Variants in ETV6 observed in about 807,000 individuals in gnomAD.
ETV6 encodes ETS variant transcription factor 6.
In ETV6, 16 loss-of-function variants were observed where a neutral mutation model predicts 51.1. The observed-to-expected ratio is 0.31, with a 90% CI of 0.21 to 0.48. The LOEUF is 0.48. Among genes scored for constraint, ETV6 ranks in the 20% least tolerant of loss-of-function variants. ETV6 has a pLI of 0.99. For synonymous variants in ETV6, 240 were observed against 224.1 expected, an observed-to-expected ratio of 1.07 and a Z score of -0.64; for missense variants, 458 against 594.8, an observed-to-expected ratio of 0.77 and a Z score of 2.39.
At position 11,653,363 on chromosome 12, in the gene ETV6, C is replaced by A. The variant is rs573003630; in HGVS notation, c.33+3203C>A. 2.0e-5 allele frequency among the ~76,000 whole-genome samples: 3 copies of A among 152,278 alleles called. No homozygotes were observed. The East Asian group carries it at 5.8e-4, about 29-fold the overall frequency. ...AGGCTTGGCACAGCTTGTTAGTGGG[C>A]CAGGACTAACCAGAATCCAAAAACG... is the stretch of plus-strand genomic sequence containing the variant. On this transcript the variant is annotated intron_variant, in intron 1 of 7. Transcript: ENST00000396373.
intron 2 of ETV6, among the ~76,000 whole-genome samples, chr12:11,813,047 C>T (rs1006350588): frequency 1.3e-5 from 2 of 152,158 alleles, no homozygotes; most frequent in African/African-American, 2.4e-5. Flanking sequence ...TTCAGTTCGC[C>T]GGGATGTCTA....
chr12:11,812,302 A>G (rs1023159238), intron 2 of ETV6, among the ~76,000 whole-genome samples: 1 of 152,142 alleles, frequency 6.6e-6, no homozygotes, highest in Non-Finnish European at 1.5e-5. Context: ...TCCTTGCAGT[A>G]TTTTGGCTGT....
chr12:11,705,258 G>T (rs956285777), intron 1 of ETV6, among the ~76,000 whole-genome samples: 4 of 152,184 alleles, frequency 2.6e-5, no homozygotes, highest in Non-Finnish European at 5.9e-5. Flanking sequence ...TGCTAGCTCC[G>T]GGAAACAATT....
chr12:11,709,832 G>A (rs906012817), intron 1 of ETV6, among the ~76,000 whole-genome samples: 1 of 152,184 alleles, frequency 6.6e-6, no homozygotes, highest in Admixed American at 6.5e-5. Context: ...TCTTCTCTGG[G>A]TCTCCAGCCT....
chr12:11,653,132 G>A (rs1175354117), intron 1 of ETV6, among the ~76,000 whole-genome samples: 1 of 152,130 alleles, frequency 6.6e-6, no homozygotes. Flanking sequence ...ATTTGGGGTC[G>A]TTTAAATGGA....
intron 1 of ETV6, among the ~76,000 whole-genome samples, chr12:11,652,841 T>C (rs1863931610): frequency 1.3e-5 from 2 of 152,218 alleles, no homozygotes; most frequent in East Asian, 1.9e-4. Context: ...CATGTGGTGG[T>C]CGCTCGCAAT....
intron 1 of ETV6, among the ~76,000 whole-genome samples, chr12:11,722,060 T>C (rs1336283605): frequency 6.6e-6 from 1 of 152,250 alleles, no homozygotes; most frequent in Non-Finnish European, 1.5e-5. Flanking sequence ...TGCTCACTTG[T>C]AGACTGGGCT....
chr12:11,749,732 G>A (rs941444039), intron 1 of ETV6, among the ~76,000 whole-genome samples: 3 of 152,180 alleles, frequency 2.0e-5, no homozygotes, highest in Non-Finnish European at 4.4e-5. Context: ...TCCCAAGAGT[G>A]TGTTTTGTTC....
Position 11,650,144 on chromosome 12 carries a change from C to A in ETV6, c.17C>A (p.Ala6Asp), listed in dbSNP as rs1863862591. 6.2e-7 allele frequency: 1 copy of A among 1,613,730 alleles called. No homozygotes were observed. Among genetic ancestry groups the A allele is most frequent in the Admixed American group, 1.7e-5 (1 of 60,014 alleles). MSETP[A>D]QCSIKQERIS... ...CTGTGAGACATGTCTGAGACTCCTG[C>A]TCAGTGTAGCATTAAGGTAAAAATC... The change falls in exon 1 of 8, where the codon GCT (alanine) becomes GAT (aspartate). Residue 6 changes from alanine (A) to aspartate (D), a missense_variant. Around this residue, in one of 4 missense-constraint regions of ETV6, gnomAD observed 84 missense variants for 75.9 expected, o/e 1.11. Transcript: ENST00000396373.
intron 2 of ETV6, among the ~76,000 whole-genome samples, chr12:11,775,830 C>T (rs975816312): frequency 5.9e-5 from 9 of 152,320 alleles, no homozygotes; most frequent in Middle Eastern, 3.4e-3. Flanking sequence ...GCACTGAGCA[C>T]CAAGTTATTA....
At chr12:11,768,778 G>A (rs1205041299) in intron 2 of ETV6, among the ~76,000 whole-genome samples, 6 of 152,094 alleles carry the variant, frequency 3.9e-5, no homozygotes, top group Admixed American at 2.0e-4. Flanking sequence ...GGCCAGCTTG[G>A]CCTGGAACCC....
intron 1 of ETV6, among the ~76,000 whole-genome samples, chr12:11,675,497 A>T (rs1439727525): frequency 2.0e-5 from 3 of 152,176 alleles, no homozygotes; most frequent in African/African-American, 7.2e-5. Flanking sequence ...ATTTACAGCA[A>T]GGCATAGGTT....
At chr12:11,650,289 G>T in intron 1 of ETV6, 129 bp downstream of exon 1, 1 of 799,486 alleles carries the variant, frequency 1.3e-6, no homozygotes. Flanking sequence ...TGGGGCGAGA[G>T]GGAAAGAGAT....
chr12:11,816,542 G>A (rs973017532), intron 2 of ETV6, among the ~76,000 whole-genome samples: 7 of 152,132 alleles, frequency 4.6e-5, no homozygotes, highest in African/African-American at 9.7e-5. Flanking sequence ...CACTGCGCCC[G>A]GCCAGCTTTA....
intron 3 of ETV6, among the ~76,000 whole-genome samples, chr12:11,841,842 G>C (rs1050841417): frequency 6.6e-6 from 1 of 152,092 alleles, no homozygotes; most frequent in Admixed American, 6.5e-5. Context: ...CAGCACTTTG[G>C]GAGGCCGAGG....
At chr12:11,857,766 C>T (rs1329682128) in intron 4 of ETV6, among the ~76,000 whole-genome samples, 1 of 152,192 alleles carries the variant, frequency 6.6e-6, no homozygotes, top group East Asian at 1.9e-4. Context: ...ACCCTTCATT[C>T]TGCCAGAACA....
At position 11,860,544 on chromosome 12, in the gene ETV6, G is replaced by A. The variant is rs1003223518; in HGVS notation, c.463+6983G>A. Among the ~76,000 whole-genome samples, 11 of 149,030 alleles carry A rather than the reference G, an allele frequency of 7.4e-5. 1 individual carries two copies. The highest frequency in any genetic ancestry group is 2.0e-4 in the East Asian group (1 of 5,088). On this transcript the variant is annotated intron_variant, in intron 4 of 7. Transcript: ENST00000396373. ...AAAGAAATGAGTCTCCAGCCTGGGC[G>A]ACAGAGTGAGACTCTGTCTCAAAAA...
At chr12:11,870,604 T>A (rs1191070089) in intron 5 of ETV6, among the ~76,000 whole-genome samples, 1 of 152,230 alleles carries the variant, frequency 6.6e-6, no homozygotes, top group Non-Finnish European at 1.5e-5. Flanking sequence ...ATGCTCATAA[T>A]TTACATGAAC....
chr12:11,816,537 C>T (rs189961433), intron 2 of ETV6, among the ~76,000 whole-genome samples: 3 of 152,292 alleles, frequency 2.0e-5, no homozygotes, highest in East Asian at 1.9e-4. Flanking sequence ...TGAGCCACTG[C>T]GCCCGGCCAG....
Sources: gnomAD v4.1 joint callset for allele counts (sites outside exome capture counted in the v4.1 genomes callset) on GRCh38, gnomAD v4.1.1 for gene constraint, gnomAD v4.1.1 regional missense constraint, MANE v1.5 for transcripts, NCBI Gene and HGNC (gene_info 2026-07-23, HGNC 2026-07-21) for gene names.